PCNP: variants seen among roughly 807,000 people sequenced by gnomAD.
The protein encoded by PCNP is PEST proteolytic signal containing nuclear protein.
In PCNP, 6 loss-of-function variants were observed where a neutral mutation model predicts 21.8. The observed-to-expected ratio is 0.28, with a 90% CI of 0.15 to 0.54. PCNP has a LOEUF of 0.54. Among genes scored for constraint, PCNP ranks in the 20% least tolerant of loss-of-function variants. The probability of loss-of-function intolerance (pLI) is 0.95; values close to 1 mark genes in which losing one functional copy is unlikely to be tolerated. For synonymous variants in PCNP, 67 were observed against 73.2 expected, an observed-to-expected ratio of 0.92 and a Z score of 0.43; for missense variants, 161 against 215.5, an observed-to-expected ratio of 0.75 and a Z score of 1.58.
At chr3:101,577,352 G>A (rs1934974660) in intron 1 of PCNP, among the ~76,000 whole-genome samples, 1 of 152,068 alleles carries the variant, frequency 6.6e-6, no homozygotes, top group Non-Finnish European at 1.5e-5. Context: ...CGTCAATGAA[G>A]TTGACATTTA....
At chr3:101,584,723 C>G (rs546652614) in intron 2 of PCNP, among the ~76,000 whole-genome samples, 1 of 152,314 alleles carries the variant, frequency 6.6e-6, no homozygotes, top group African/African-American at 2.4e-5. Flanking sequence ...CACCACCACA[C>G]CTGGCTGATT....
At chr3:101,584,795 G>C (rs957033043) in intron 2 of PCNP, among the ~76,000 whole-genome samples, 1 of 152,124 alleles carries the variant, frequency 6.6e-6, no homozygotes, top group African/African-American at 2.4e-5. Context: ...GAGGTCAGGA[G>C]TTCAAGACCA....
rs542275242 is a variant in PCNP, at chr3:101,580,707, A to G, written c.279+703A>G. ...CTTTGTTTTAAGATGTCAGCCTTAG[A>G]TTAATACTTATTAACCATGGAACCT... On this transcript the variant is annotated intron_variant, in intron 2 of 4. Coordinates refer to ENST00000265260, the MANE Select transcript of PCNP (RefSeq NM_020357.3). 3.9e-5 allele frequency among the ~76,000 whole-genome samples: 6 copies of G among 152,316 alleles called. No homozygotes were observed. The East Asian group carries it at 9.6e-4, about 24-fold the overall frequency.
In PCNP at chr3:101,585,419, AAT is replaced by A. The variant is rs774162701; in HGVS notation, c.280-15_280-14del. 6.9e-7 allele frequency: 1 copy of A among 1,446,438 alleles called. No homozygotes were observed. Among genetic ancestry groups the A allele is most frequent in the Non-Finnish European group, 9.6e-7 (1 of 1,040,542 alleles). 89.6% of individuals were successfully genotyped at this position (1,446,438 alleles called of 1,614,324 possible). On this transcript the variant is annotated splice_polypyrimidine_tract_variant and intron_variant, in intron 2 of 4. Transcript: ENST00000265260. ...ATGTTATCTACATGATATTCTTTTT[AAT>A]ATGTTTCTTCTTCAGAAGCCTAAAG...
At position 101,592,922 on chromosome 3, in the gene PCNP, TTA is replaced by T; in HGVS notation, c.*171_*172del. The T allele has an allele frequency of 4.3e-6, 2 of 461,986 alleles. No individual in the cohort carries two copies. 28.6% of individuals were successfully genotyped at this position (461,986 alleles called of 1,614,324 possible). ...ATGAGAGTTTGAAATTAGAGGTAATTTATGTTTTATATACAGATTTCAAGACA... is the reference window on the plus strand; with the variant it reads ...ATGAGAGTTTGAAATTAGAGGTAATTTGTTTTATATACAGATTTCAAGACA... On this transcript the variant is annotated 3_prime_UTR_variant, in exon 5 of 5. Transcript: ENST00000265260.
chr3:101,590,952 G>T (rs114687088), intron 4 of PCNP, among the ~76,000 whole-genome samples: 1 of 150,578 alleles, frequency 6.6e-6, no homozygotes, highest in South Asian at 2.1e-4. Flanking sequence ...AAAAAAATTT[G>T]TAAGTAGAGA....
At position 101,590,313 on chromosome 3, in the gene PCNP, G is replaced by A. The variant is rs371841283; in HGVS notation, c.410+43G>A. The stretch of plus-strand genomic sequence containing the variant: ...AAATATTATAGAAAGATACAAAGGT[G>A]AATTAACAAAAATAACTTGCACATG... On this transcript the variant is annotated intron_variant, in intron 4 of 4. Transcript: ENST00000265260. 63 of 1,013,490 alleles carry A rather than the reference G, an allele frequency of 6.2e-5. 1 individual carries two copies. The Middle Eastern group carries it at 1.5e-3, about 25-fold the overall frequency. 62.8% of individuals were successfully genotyped at this position (1,013,490 alleles called of 1,614,324 possible).
At chr3:101,587,497 T>A (rs1935592409) in intron 3 of PCNP, among the ~76,000 whole-genome samples, 1 of 151,976 alleles carries the variant, frequency 6.6e-6, no homozygotes, top group Non-Finnish European at 1.5e-5. Flanking sequence ...CACTGCGATG[T>A]TATAAAGATA....
intron 2 of PCNP, among the ~76,000 whole-genome samples, chr3:101,583,940 A>G (rs1254723052): frequency 6.6e-6 from 1 of 151,688 alleles, no homozygotes; most frequent in East Asian, 1.9e-4. Context: ...CTGGGATTAC[A>G]AGCATGAGCC....
chr3:101,586,956 C>G (rs1185998622), intron 3 of PCNP, among the ~76,000 whole-genome samples: 2 of 152,136 alleles, frequency 1.3e-5, no homozygotes, highest in African/African-American at 4.8e-5. Context: ...TTTAGTGAAT[C>G]AAGAAATAAT....
intron 2 of PCNP, among the ~76,000 whole-genome samples, chr3:101,582,472 A>G (rs1471704625): frequency 1.3e-5 from 2 of 152,192 alleles, no homozygotes; most frequent in Non-Finnish European, 2.9e-5. Context: ...ACTACAGTGT[A>G]AACACAGTCT....
At chr3:101,578,452 A>G (rs1161655328) in intron 1 of PCNP, among the ~76,000 whole-genome samples, 9 of 152,244 alleles carry the variant, frequency 5.9e-5, no homozygotes, top group Non-Finnish European at 1.2e-4. Context: ...TTTTATATAT[A>G]AGTAAGAGAA....
chr3:101,585,301 A>G, intron 2 of PCNP, 136 bp from the exon 3 acceptor site: 3 of 551,374 alleles, frequency 5.4e-6, no homozygotes, highest in Non-Finnish European at 9.4e-6. Context: ...GGATTTGTCC[A>G]AAGTATTGGG....
Position 101,593,527 on chromosome 3 carries a change from G to T in PCNP, c.*774G>T, listed in dbSNP as rs927612177. 5.2e-5 allele frequency: 8 copies of T among 152,470 alleles called. No homozygotes were observed. The highest frequency in any genetic ancestry group is 7.4e-5 in the Non-Finnish European group (5 of 68,002). The allele number at this position is 152,470 out of a possible 1,614,324, so 9.4% of individuals were successfully genotyped here. ...TTTCCACCAGAACTTGAGGCAAATC[G>T]TAAGGAAGCTGTTTCTTTTAAAACA... On this transcript the variant is annotated 3_prime_UTR_variant, in exon 5 of 5. Coordinates refer to ENST00000265260, the MANE Select transcript of PCNP (RefSeq NM_020357.3).
In PCNP at chr3:101,589,410, C is replaced by CTT. The variant is rs35442732; in HGVS notation, c.355-793_355-792dup. On this transcript the variant is annotated intron_variant, in intron 3 of 4. Coordinates refer to ENST00000265260, the MANE Select transcript of PCNP (RefSeq NM_020357.3). ...ATAGAAAAAGTAAGGAATGAGCTCT[C>CTT]TTTTTTTTTTTTTCTTTGAGACAGA... Among the ~76,000 whole-genome samples, 451 of 145,910 alleles carry CTT rather than the reference C, an allele frequency of 3.1e-3. 1 individual carries two copies. The highest frequency in any genetic ancestry group is 3.8e-3 in the Non-Finnish European group (256 of 66,588).
intron 1 of PCNP, among the ~76,000 whole-genome samples, chr3:101,578,660 A>G (rs1432817400): frequency 6.6e-6 from 1 of 152,170 alleles, no homozygotes; most frequent in Non-Finnish European, 1.5e-5. Context: ...TAGAGACCCC[A>G]TTATTCCAAA....
chr3:101,578,174 A>G (rs1283086501), intron 1 of PCNP, among the ~76,000 whole-genome samples: 3 of 152,226 alleles, frequency 2.0e-5, no homozygotes, highest in Non-Finnish European at 4.4e-5. Context: ...TCCATTGTGT[A>G]GAGCCAAAGA....
intron 3 of PCNP, among the ~76,000 whole-genome samples, chr3:101,588,137 GGCATAA>G (rs1935626678): frequency 6.6e-6 from 1 of 152,106 alleles, no homozygotes; most frequent in South Asian, 2.1e-4. Context: ...TGGGCGTGGT[GGCATAA>G]GCCTGTAATC....
intron 1 of PCNP, 127 bp downstream of exon 1, chr3:101,574,406 C>A: frequency 1.7e-6 from 2 of 1,181,794 alleles, no homozygotes; most frequent in Non-Finnish European, 2.3e-6. Flanking sequence ...AGGTGTTGGG[C>A]CCAGACCTGC....
Sources: gnomAD v4.1 joint callset for allele counts (sites outside exome capture counted in the v4.1 genomes callset) on GRCh38, gnomAD v4.1.1 for gene constraint, MANE v1.5 for transcripts, NCBI Gene and HGNC (gene_info 2026-07-23, HGNC 2026-07-21) for gene names.